PCDHGA4: variants seen among roughly 807,000 people sequenced by gnomAD.
PCDHGA4 encodes the protein protocadherin gamma-A4.
In PCDHGA4, 38 loss-of-function variants were observed where a neutral mutation model predicts 54.6. The observed-to-expected ratio is 0.70, with a 90% CI of 0.54 to 0.91. The LOEUF (loss-of-function observed/expected upper bound fraction) is 0.91. PCDHGA4 is among the 40% of genes least tolerant of loss of function. The pLI is 0.00. For synonymous variants in PCDHGA4, 511 were observed against 512.9 expected (o/e 1.00, Z 0.05); for missense variants, 1,298 against 1,220.9 (o/e 1.06, Z -0.94).
At chr5:141,371,462 A>G (rs181808735) in intron 1 of PCDHGA4, 29 of 1,613,988 alleles carry the variant, frequency 1.8e-5, no homozygotes, top group Admixed American at 3.3e-5. Flanking sequence ...CCCAACATAT[A>G]CAAGAAGATG....
chr5:141,356,104 A>G lies in PCDHGA4; in HGVS notation c.997A>G (p.Thr333Ala), dbSNP rs763528385. The change falls in exon 1 of 4, where the codon ACA (threonine) becomes GCA (alanine). Residue 333 changes from threonine (T) to alanine (A), a missense_variant. Transcript: ENST00000571252. ...GTTGAATTCTCTGAGTGGGGATATA[A>G]CAATATTGGGGGGTCTAGATTATGA... ...FQLNSLSGDI[T>A]ILGGLDYEDS... is the part of the protein sequence containing the mutation. 184 of 1,613,800 alleles carry G rather than the reference A, an allele frequency of 1.1e-4. 1 individual carries two copies. In the South Asian group the frequency reaches 1.8e-3, roughly 16 times the overall value.
chr5:141,403,177 C>T, intron 1 of PCDHGA4: 3 of 1,614,008 alleles, frequency 1.9e-6, no homozygotes, highest in Non-Finnish European at 2.5e-6. Context: ...CGCAGCTTTT[C>T]TCTCTGAACC....
chr5:141,401,281 G>C (rs2094135967), intron 1 of PCDHGA4, among the ~76,000 whole-genome samples: 1 of 152,200 alleles, frequency 6.6e-6, no homozygotes, highest in Non-Finnish European at 1.5e-5. Context: ...GGTGGAGGTT[G>C]CGGTGAGCCG....
At chr5:141,456,309 A>T (rs1305324857) in intron 1 of PCDHGA4, among the ~76,000 whole-genome samples, 1 of 152,138 alleles carries the variant, frequency 6.6e-6, no homozygotes, top group Non-Finnish European at 1.5e-5. Flanking sequence ...AACAGCAGCT[A>T]GGGCTCCTCC....
chr5:141,397,375 T>C (rs2093516481), intron 1 of PCDHGA4, among the ~76,000 whole-genome samples: 1 of 152,174 alleles, frequency 6.6e-6, no homozygotes, highest in South Asian at 2.1e-4. Context: ...TGTTTGGGGA[T>C]TGGTATAAAA....
At chr5:141,453,909 T>C (rs1484310834) in intron 1 of PCDHGA4, among the ~76,000 whole-genome samples, 1 of 152,236 alleles carries the variant, frequency 6.6e-6, no homozygotes, top group Non-Finnish European at 1.5e-5. Flanking sequence ...TTTCAAAGTA[T>C]GTCAGTGATC....
chr5:141,367,112 C>G (rs1261391060), intron 1 of PCDHGA4: 1 of 221,008 alleles, frequency 4.5e-6, no homozygotes, highest in South Asian at 7.2e-5. Context: ...GCCTAGACAC[C>G]ATTAGTGAAT....
At chr5:141,418,752 C>T (rs2096284996) in intron 1 of PCDHGA4, 1 of 1,613,874 alleles carries the variant, frequency 6.2e-7, no homozygotes, top group African/African-American at 1.3e-5. Flanking sequence ...GATTACACTA[C>T]AGGAAACATT....
chr5:141,384,576 G>GCCCGAGAT (rs1429173266), intron 1 of PCDHGA4: 3 of 1,614,060 alleles, frequency 1.9e-6, no homozygotes, highest in Non-Finnish European at 2.5e-6. Context: ...ATGACAACCC[G>GCCCGAGAT]CCCGAGATCC....
At chr5:141,397,241 A>G (rs907539043) in intron 1 of PCDHGA4, among the ~76,000 whole-genome samples, 1 of 152,232 alleles carries the variant, frequency 6.6e-6, no homozygotes, top group Admixed American at 6.5e-5. Context: ...AGAGCAACGT[A>G]GTAGGGTATA....
At chr5:141,403,738 T>G in intron 1 of PCDHGA4, 3 of 1,613,930 alleles carry the variant, frequency 1.9e-6, no homozygotes, top group Admixed American at 3.3e-5. Context: ...CCTGGCTGCT[T>G]ACTGCAACAG....
intron 1 of PCDHGA4, chr5:141,397,930 G>C (rs898785209): frequency 5.2e-6 from 4 of 775,998 alleles, no homozygotes; most frequent in Non-Finnish European, 8.1e-6. Flanking sequence ...TCGCGCAGCC[G>C]CAGCGCGCTT....
In PCDHGA4 at chr5:141,394,984, T is replaced by C. The variant is rs777878747; in HGVS notation, c.2514+37363T>C. On this transcript the variant is annotated intron_variant, in intron 1 of 3. Transcript: ENST00000571252. ...CTGAGGCGCTGGCACAAGTCACGCC[T>C]GCTCCAGGATTCCGGTGGCAGATTG... 5 of 1,614,026 alleles carry C rather than the reference T, an allele frequency of 3.1e-6. 1 individual carries two copies. In the South Asian group the frequency reaches 4.4e-5, roughly 14 times the overall value.
At chr5:141,433,381 A>ATCTG (rs1561869478) in intron 1 of PCDHGA4, among the ~76,000 whole-genome samples, 2 of 151,148 alleles carry the variant, frequency 1.3e-5, no homozygotes, top group Non-Finnish European at 2.9e-5. Flanking sequence ...CTATCTATCT[A>ATCTG]TCTATCTATC....
intron 1 of PCDHGA4, among the ~76,000 whole-genome samples, chr5:141,397,293 A>T (rs1449132000): frequency 6.6e-6 from 1 of 152,220 alleles, no homozygotes; most frequent in African/African-American, 2.4e-5. Flanking sequence ...ACTTGAATGA[A>T]TATTTCCTGA....
At chr5:141,384,179 G>C in intron 1 of PCDHGA4, 7 of 1,613,830 alleles carry the variant, frequency 4.3e-6, no homozygotes, top group Non-Finnish European at 5.9e-6. Context: ...GCCACAGATG[G>C]TGGAACTCCT....
At chr5:141,421,423 C>T in intron 1 of PCDHGA4, 1 of 1,614,052 alleles carries the variant, frequency 6.2e-7, no homozygotes, top group Non-Finnish European at 8.5e-7. Context: ...GCGCGGAGTC[C>T]GCATCGTCTC....
At position 141,512,133 on chromosome 5, in the gene PCDHGA4, G is replaced by C. The variant is rs1394116556; in HGVS notation, c.*960G>C. 1 of 152,708 alleles carries C rather than the reference G, an allele frequency of 6.5e-6. No homozygotes were observed. Among genetic ancestry groups the C allele is most frequent in the Non-Finnish European group, 1.5e-5 (1 of 68,102 alleles). The allele number at this position is 152,708 out of a possible 1,614,324, so 9.5% of individuals were successfully genotyped here. On this transcript the variant is annotated 3_prime_UTR_variant, in exon 4 of 4. Transcript: ENST00000571252. ...CCACTACATAATAGGGCTCAGCCCA[G>C]GCAGCCAGCTTTGGGCTGAGCTAAC...
intron 1 of PCDHGA4, among the ~76,000 whole-genome samples, chr5:141,467,903 C>G (rs1256664266): frequency 6.6e-6 from 1 of 152,156 alleles, no homozygotes. Context: ...AAGAAATCCG[C>G]CCACCTCAGC....
Sources: allele counts gnomAD v4.1 joint callset (sites outside exome capture counted in the v4.1 genomes callset), GRCh38; gene constraint gnomAD v4.1.1; transcripts MANE v1.5; gene names NCBI Gene and HGNC (gene_info 2026-07-23, HGNC 2026-07-21).